Variants in ADCY9 observed in about 807,000 individuals in gnomAD.
ADCY9 encodes adenylate cyclase 9.
ADCY9 carries 50 observed loss-of-function variants against 101.5 expected under a neutral mutation model. The observed-to-expected ratio is 0.49, with a 90% CI of 0.39 to 0.62. The LOEUF (loss-of-function observed/expected upper bound fraction) is 0.62. Ranked by LOEUF, ADCY9 falls within the 20% of genes least tolerant of loss-of-function variation. The pLI is 0.00. For missense variants in ADCY9, 1,662 were observed against 1,800.4 expected (o/e 0.92, Z 1.39); for synonymous variants, 905 against 769.3 (o/e 1.18, Z -2.92).
chr16:4,114,982 A>G lies in ADCY9; in HGVS notation c.461T>C (p.Leu154Pro). 7 of 1,614,076 alleles carry G rather than the reference A, an allele frequency of 4.3e-6. No homozygotes were observed. Among genetic ancestry groups the G allele is most frequent in the Non-Finnish European group, 5.9e-6 (7 of 1,180,030 alleles). ...AAACAGAAAGAAGCCCACACACACC[A>G]GGAGGAAGCACAGCGCGGGGGCGAC... ...VMVAPALCFLLVCVGFFLFTF... is the reference protein window; with the variant it reads ...VMVAPALCFLPVCVGFFLFTF... Residue 154 changes from leucine to proline, a missense_variant, in exon 2 of 11, where the codon CTG (leucine) becomes CCG (proline). Leu to Pro is a moderately conservative substitution (Grantham distance 98). Coordinates refer to ENST00000294016, the MANE Select transcript of ADCY9 (RefSeq NM_001116.4). This position sits in a 1 kb window ranked among gnomAD's most constrained non-coding sequence, Gnocchi z 4.3.
intron 2 of ADCY9, among the ~76,000 whole-genome samples, chr16:4,087,621 C>A (rs2141185870): frequency 6.6e-6 from 1 of 151,450 alleles, no homozygotes; most frequent in East Asian, 1.9e-4. Flanking sequence ...TCAGGGAGGG[C>A]ACTGAGTCTG....
rs868432804 is a variant in ADCY9, at chr16:4,057,047, C to G, written c.1694-49489G>C. 1.9e-4 allele frequency among the ~76,000 whole-genome samples: 27 copies of G among 142,456 alleles called. 1 individual carries two copies. Among genetic ancestry groups the G allele is most frequent in the East Asian group, 1.2e-3 (5 of 4,110 alleles). The allele number at this position is 142,456 out of a possible 152,430, so 93.5% of individuals were successfully genotyped here. ...CTGTACTGATGAAACCGCCCCCCCCCCCCCCGCCAATCTTACTCTTCTGTT... is the reference window on the plus strand; with the variant it reads ...CTGTACTGATGAAACCGCCCCCCCCGCCCCCGCCAATCTTACTCTTCTGTT... On this transcript the variant is annotated intron_variant, in intron 2 of 10. Coordinates refer to ENST00000294016, the MANE Select transcript of ADCY9 (RefSeq NM_001116.4).
At chr16:3,985,582 T>C (rs12149721) in intron 6 of ADCY9, among the ~76,000 whole-genome samples, 23,177 of 152,104 alleles carry the variant, frequency 0.15, 2,133 homozygotes, top group South Asian at 0.33. Context: ...CCCTGAGACA[T>C]CACTGCCTTG....
intron 2 of ADCY9, among the ~76,000 whole-genome samples, chr16:4,099,083 C>T (rs2057026548): frequency 6.6e-6 from 1 of 152,056 alleles, no homozygotes. Flanking sequence ...CAGGTGTGCG[C>T]CACGACACCC....
At chr16:4,111,020 GCA>G (rs2141209314) in intron 2 of ADCY9, among the ~76,000 whole-genome samples, 1 of 152,332 alleles carries the variant, frequency 6.6e-6, no homozygotes, top group African/African-American at 2.4e-5. Flanking sequence ...AGTGCCAGGT[GCA>G]CAGTCAGTGC....
chr16:3,985,322 T>G (rs1057150483), intron 6 of ADCY9, among the ~76,000 whole-genome samples: 10 of 152,182 alleles, frequency 6.6e-5, no homozygotes, highest in South Asian at 6.2e-4. Context: ...GTATGATTAG[T>G]AGAGATGGGA....
chr16:4,031,239 C>T (rs936880479), intron 2 of ADCY9, among the ~76,000 whole-genome samples: 34 of 152,114 alleles, frequency 2.2e-4, no homozygotes, highest in African/African-American at 8.2e-4. Flanking sequence ...AGGAGAATGT[C>T]CTTGTTCATA....
chr16:4,004,747 A>G (rs1206249154), intron 3 of ADCY9, among the ~76,000 whole-genome samples: 2 of 152,232 alleles, frequency 1.3e-5, no homozygotes, highest in Non-Finnish European at 2.9e-5. Flanking sequence ...GCCAAGTGGG[A>G]CAGACTGAAG....
intron 2 of ADCY9, among the ~76,000 whole-genome samples, chr16:4,099,870 G>T (rs1040935323): frequency 6.6e-6 from 1 of 152,218 alleles, no homozygotes; most frequent in African/African-American, 2.4e-5. Context: ...TAGGCAACAT[G>T]GCAAGACCCT....
chr16:3,991,451 G>T (rs1324272551), intron 5 of ADCY9, among the ~76,000 whole-genome samples: 1 of 151,946 alleles, frequency 6.6e-6, no homozygotes, highest in Non-Finnish European at 1.5e-5. Flanking sequence ...AAAAGGACTG[G>T]ACCTGTATTT....
Position 4,020,282 on chromosome 16 carries a change from T to C in ADCY9, c.1694-12724A>G, listed in dbSNP as rs543204991. On this transcript the variant is annotated intron_variant, in intron 2 of 10. Transcript: ENST00000294016. ...CAGCTACATGAGGCTGGCAGCTATG[T>C]AGGAAGCAGTGAAGATCCACATCCT... 3.3e-5 allele frequency among the ~76,000 whole-genome samples: 5 copies of C among 152,218 alleles called. No homozygotes were observed. In the East Asian group the frequency reaches 7.7e-4, roughly 23 times the overall value.
chr16:4,092,616 G>C (rs2056980525), intron 2 of ADCY9, among the ~76,000 whole-genome samples: 1 of 152,002 alleles, frequency 6.6e-6, no homozygotes, highest in East Asian at 1.9e-4. Flanking sequence ...TATTTAATAA[G>C]ACACAAATTT....
intron 2 of ADCY9, among the ~76,000 whole-genome samples, chr16:4,109,699 C>A (rs1044994382): frequency 2.6e-5 from 4 of 152,198 alleles, no homozygotes; most frequent in Non-Finnish European, 5.9e-5. Context: ...CTTCCTAATG[C>A]CACTCAGATC....
At chr16:4,049,980 G>A (rs111836705) in intron 2 of ADCY9, among the ~76,000 whole-genome samples, 7,056 of 148,958 alleles carry the variant, frequency 0.047, 534 homozygotes, top group African/African-American at 0.17. Context: ...GCAGTGAGCC[G>A]AGATCACACC....
intron 2 of ADCY9, among the ~76,000 whole-genome samples, chr16:4,065,086 C>T (rs958369757): frequency 6.6e-6 from 1 of 152,212 alleles, no homozygotes; most frequent in Admixed American, 6.5e-5. Flanking sequence ...AGCTACATGA[C>T]TGCGTGTGTC....
chr16:3,957,600 G>A (rs1281597554), intron 5 of ADCY9, among the ~76,000 whole-genome samples: 1 of 152,150 alleles, frequency 6.6e-6, no homozygotes, highest in Non-Finnish European at 1.5e-5. Context: ...TCCTAGAGAC[G>A]CAGAACCAAA....
chr16:4,057,039 C>CG (rs199632674), intron 2 of ADCY9, among the ~76,000 whole-genome samples: 2 of 2,734 alleles, frequency 7.3e-4, no homozygotes, highest in Admixed American at 3.8e-3. Flanking sequence ...GATGAAACCG[C>CG]CCCCCCCCCC....
chr16:3,984,854 T>C (rs1425253126), intron 6 of ADCY9, among the ~76,000 whole-genome samples: 1 of 152,072 alleles, frequency 6.6e-6, no homozygotes, highest in Non-Finnish European at 1.5e-5. Flanking sequence ...CAGCCCTGGG[T>C]GCGGTGTGCG....
chr16:3,974,862 C>T (rs2056081201), intron 9 of ADCY9, 152 bp from the exon 10 acceptor site: 1 of 630,486 alleles, frequency 1.6e-6, no homozygotes, highest in Non-Finnish European at 2.9e-6. Context: ...TTCTTCACAT[C>T]TGTGTCTCCC....
Sources: allele counts gnomAD v4.1 joint callset (sites outside exome capture counted in the v4.1 genomes callset), GRCh38; gene constraint gnomAD v4.1.1; non-coding constraint Gnocchi (gnomAD v3.1); transcripts MANE v1.5; gene names NCBI Gene and HGNC (gene_info 2026-07-23, HGNC 2026-07-21).